Variants in MAST3 observed in about 807,000 individuals in gnomAD.
The protein encoded by MAST3 is microtubule associated serine/threonine kinase 3, also known as microtubule-associated serine/threonine-protein kinase 3.
A neutral mutation model predicts 127.0 loss-of-function variants in MAST3; 43 were observed. The ratio of observed to expected loss-of-function variants is 0.34; its 90% confidence interval spans 0.27 to 0.44. MAST3 has a LOEUF of 0.44. Ranked by LOEUF, MAST3 falls within the 20% of genes least tolerant of loss-of-function variation. The pLI is 1.00. For missense variants in MAST3, 1,390 were observed against 1,919.1 expected, an observed-to-expected ratio of 0.72 and a Z score of 5.15; for synonymous variants, 785 against 809.2, an observed-to-expected ratio of 0.97 and a Z score of 0.51.
rs1286553645 is a variant in MAST3 at position 18,147,637 on chromosome 19, C to T, written c.3508+13C>T. 20 of 1,515,974 alleles carry T rather than the reference C, an allele frequency of 1.3e-5. No individual in the cohort carries two copies. The Admixed American group carries it at 1.5e-4, about 11-fold the overall frequency. 93.9% of individuals were successfully genotyped at this position (1,515,974 alleles called of 1,614,324 possible). ...GATGTCCCAGCAGGTGGGTGCACCC[C>T]GACCCCCCACCACCCCGGCTACCCT... is the stretch of plus-strand genomic sequence containing the variant. On this transcript the variant is annotated intron_variant, in intron 27 of 27. Transcript: ENST00000687212.
intron 27 of MAST3, 65 bp downstream of exon 27, chr19:18,147,689 A>T: frequency 4.2e-6 from 5 of 1,190,046 alleles, no homozygotes; most frequent in Non-Finnish European, 5.8e-6. Context: ...GGGCCCCAGG[A>T]GGGAGGAAGG....
In MAST3 at chr19:18,147,022, G is replaced by A. The variant is rs768332984; in HGVS notation, c.3304G>A (p.Ala1102Thr). The A allele has an allele frequency of 1.4e-5, 22 of 1,572,536 alleles. No individual in the cohort carries two copies. The highest frequency in any genetic ancestry group is 4.6e-5 in the East Asian group (2 of 43,154). Residue 1102 changes from alanine to threonine, a missense_variant, in exon 26 of 28, where the codon GCG (alanine) becomes ACG (threonine). Transcript: ENST00000687212. ...TCGGCGGGAGACCCAGGATCGGTGC[G>A]CGGCAGTGACCACCAGGGAGCGGTA... Reference protein sequence around the residue: ...SRRRETQDRCAAVTTRERRKS... With the variant: ...SRRRETQDRCTAVTTRERRKS...
intron 6 of MAST3, 88 bp from the exon 7 acceptor site, chr19:18,123,129 C>T (rs2040192345): frequency 1.4e-6 from 2 of 1,412,878 alleles, no homozygotes; most frequent in Non-Finnish European, 9.9e-7. Context: ...GGCCAGCAGG[C>T]AGCCTGGGCC....
chr19:18,135,840 T>C lies in MAST3; in HGVS notation c.1971T>C (p.Thr657=), dbSNP rs536996877. The C allele has an allele frequency of 8.7e-6, 14 of 1,600,512 alleles. No individual in the cohort carries two copies. In the South Asian group the frequency reaches 1.6e-4, roughly 18 times the overall value. The part of the protein sequence containing the change: ...LRQSPLDRLG[T]GGTHEVKQHP... Reference sequence around the variant, plus strand: ...AGAGCCCGCTGGACCGTCTGGGCACTGGTATGTAGTGTGGGGGAGAACCCA... The same window carrying C: ...AGAGCCCGCTGGACCGTCTGGGCACCGGTATGTAGTGTGGGGGAGAACCCA... The change falls in exon 18 of 28, where the codon ACT becomes ACC. Residue 657 remains threonine (T), a splice_region_variant and synonymous_variant. Transcript: ENST00000687212.
At chr19:18,139,177 T>C in intron 20 of MAST3, 53 bp downstream of exon 20, 10 of 1,309,406 alleles carry the variant, frequency 7.6e-6, no homozygotes, top group Non-Finnish European at 1.1e-5. Context: ...GCATGATGTC[T>C]GTTTGCTTTC....
Position 18,124,162 on chromosome 19 carries a change from C to T in MAST3, c.843+14C>T, listed in dbSNP as rs2040319875. ...CTTCTGCAGGATGTGCGTGGTTTTT[C>T]GCATGTTGAGGTTTTGCATGCAGTG... On this transcript the variant is annotated intron_variant, in intron 9 of 27. Coordinates refer to ENST00000687212, the MANE Select transcript of MAST3 (RefSeq NM_001393504.1). 6 of 1,603,540 alleles carry T rather than the reference C, an allele frequency of 3.7e-6. No homozygotes were observed. The highest frequency in any genetic ancestry group is 1.7e-5 in the Admixed American group (1 of 58,474).
rs745492316 is a variant in MAST3 at position 18,123,389 on chromosome 19, C to G, written c.557+15C>G. On this transcript the variant is annotated intron_variant, in intron 7 of 27. Coordinates refer to ENST00000687212, the MANE Select transcript of MAST3 (RefSeq NM_001393504.1). ...CGCAGTCTCAGGTGGGCCGCGACCT[C>G]TGGCCCCAGCCCCGGCCCCTCCCTG... 4.4e-6 allele frequency: 7 copies of G among 1,603,716 alleles called. No individual in the cohort carries two copies. In the African/African-American group the frequency reaches 9.4e-5, roughly 21 times the overall value.
Position 18,149,570 on chromosome 19 carries a change from GC to G in MAST3, c.3889del (p.Arg1297AlafsTer43). 1 of 1,597,074 alleles carries G rather than the reference GC, an allele frequency of 6.3e-7. No individual in the cohort carries two copies. Among genetic ancestry groups the G allele is most frequent in the Non-Finnish European group, 8.5e-7 (1 of 1,172,764 alleles). On this transcript the variant is annotated frameshift_variant, in exon 28 of 28. Coordinates refer to ENST00000687212, the MANE Select transcript of MAST3 (RefSeq NM_001393504.1). LOFTEE classifies it low-confidence loss of function (END_TRUNC). The surrounding 1 kb of genome is among the most constrained non-coding windows in gnomAD (Gnocchi z 5.9). ...TCATGCGGCGGCTGCACCTGTCCGAGCGCCGAGACTCCTTCAAGAAGCAGGA... is the reference window on the plus strand; with the variant it reads ...TCATGCGGCGGCTGCACCTGTCCGAGGCCGAGACTCCTTCAAGAAGCAGGA... Reference protein sequence around the residue: ...VVMRRLHLSERRDSFKKQEAV... With the variant: ...VVMRRLHLSEXRDSFKKQEAV...
rs769677113 is a variant in MAST3, at chr19:18,149,325, C to A, written c.3643C>A (p.Arg1215Ser). ...TGGGCCACCCCGCCCCAAGACTGGC[C>A]GCCGCAAGTCCACCAGCAGCATCCC... ...KLGPPRPKTGRRKSTSSIPPS... is the reference protein window; with the variant it reads ...KLGPPRPKTGSRKSTSSIPPS... The change falls in exon 28 of 28, where the codon CGC (arginine) becomes AGC (serine). Residue 1215 changes from arginine to serine, a missense_variant. Around this residue, in one of 5 missense-constraint regions of MAST3, gnomAD observed 816 missense variants for 934.1 expected, o/e 0.87. Coordinates refer to ENST00000687212, the MANE Select transcript of MAST3 (RefSeq NM_001393504.1). The surrounding 1 kb of genome is among the most constrained non-coding windows in gnomAD (Gnocchi z 5.9). The A allele has an allele frequency of 2.0e-6, 3 of 1,525,942 alleles. No individual in the cohort carries two copies. The highest frequency in any genetic ancestry group is 2.6e-6 in the Non-Finnish European group (3 of 1,138,358). The allele number at this position is 1,525,942 out of a possible 1,614,324, so 94.5% of individuals were successfully genotyped here. A position where few individuals can be genotyped will look rare whatever the true frequency, so the allele number is the denominator to read the frequency against.
intron 16 of MAST3, 49 bp downstream of exon 16, chr19:18,134,760 C>G: frequency 6.2e-7 from 1 of 1,613,464 alleles, no homozygotes; most frequent in South Asian, 1.1e-5. Flanking sequence ...CTCCTCTCTC[C>G]TGGGACCTCT....
rs545158987 is a variant in MAST3 at position 18,135,488 on chromosome 19, A to G, written c.1871-252A>G. On this transcript the variant is annotated intron_variant, in intron 17 of 27. Transcript: ENST00000687212. ...TCAAAAAATAAAAAAAAGAAGTGAC[A>G]TGTGAGCAGAGACCTGCAAGAACCT... is the stretch of plus-strand genomic sequence containing the variant. Among the ~76,000 whole-genome samples, 62 of 151,078 alleles carry G rather than the reference A, an allele frequency of 4.1e-4. No individual in the cohort carries two copies. In the South Asian group the frequency reaches 0.012, roughly 30 times the overall value.
chr19:18,135,010 G>A, intron 17 of MAST3, 28 bp downstream of exon 17: 2 of 1,567,238 alleles, frequency 1.3e-6, no homozygotes, highest in Non-Finnish European at 1.7e-6. Flanking sequence ...GCCTGGGTTT[G>A]AGCTGCAGCC....
chr19:18,133,855 A>G (rs977694602), intron 15 of MAST3, among the ~76,000 whole-genome samples: 2 of 152,030 alleles, frequency 1.3e-5, no homozygotes, highest in Admixed American at 1.3e-4. Flanking sequence ...CGCCCGGCAA[A>G]TGAACTCATT....
Position 18,123,168 on chromosome 19 carries a change from C to T in MAST3, c.400-49C>T, listed in dbSNP as rs1216378061. The T allele has an allele frequency of 1.9e-6, 3 of 1,606,128 alleles. No individual in the cohort carries two copies. In the South Asian group the frequency reaches 3.3e-5, roughly 18 times the overall value. ...AGGGGTGGTGCTGGGTTCCTGGCCA[C>T]AGCACTGACGGTGAACTCATGGCTC... On this transcript the variant is annotated intron_variant, in intron 6 of 27. Transcript: ENST00000687212.
rs766160703 is a variant in MAST3 at position 18,147,578 on chromosome 19, C to A, written c.3462C>A (p.Pro1154=). ...LPGSPTHSLS[P]SPTTPCRSPA... is the part of the protein sequence containing the mutation. ...GCTCGCCCACCCACAGCCTCTCCCC[C>A]AGCCCCACCACTCCCTGCCGAAGCC... Residue 1154 remains proline, a synonymous_variant, in exon 27 of 28, where the codon CCC becomes CCA. Coordinates refer to ENST00000687212, the MANE Select transcript of MAST3 (RefSeq NM_001393504.1). 1.3e-6 allele frequency: 2 copies of A among 1,577,420 alleles called. No homozygotes were observed. The highest frequency in any genetic ancestry group is 2.4e-5 in the East Asian group (1 of 42,408).
In MAST3 at chr19:18,141,964, G is replaced by C; in HGVS notation, c.2288G>C (p.Gly763Ala). 1 of 1,556,414 alleles carries C rather than the reference G, an allele frequency of 6.4e-7. No individual in the cohort carries two copies. Among genetic ancestry groups the C allele is most frequent in the Non-Finnish European group, 8.7e-7 (1 of 1,147,746 alleles). The change falls in exon 21 of 28, where the codon GGG becomes GCG. Residue 763 changes from glycine (G) to alanine (A), a missense_variant. Transcript: ENST00000687212. The part of the protein sequence containing the change: ...ERSFSEDREE[G>A]WERSEVDYGR... ...AGCTTCAGTGAAGACCGGGAGGAGG[G>C]GTGGGAGCGCAGCGAAGTGGACTAT...
chr19:18,141,377 C>CT (rs370099564), intron 20 of MAST3, among the ~76,000 whole-genome samples: 16 of 122,748 alleles, frequency 1.3e-4, no homozygotes, highest in East Asian at 2.4e-4. Context: ...AGCCAGCTTT[C>CT]TTTTTTTTTT....
chr19:18,118,386 C>A, intron 3 of MAST3: 1 of 406,376 alleles, frequency 2.5e-6, no homozygotes, highest in Non-Finnish European at 3.3e-6. Context: ...GGGGGGAGGA[C>A]GCCTGTGGAT....
chr19:18,106,995 T>C (rs1281267717), intron 1 of MAST3, among the ~76,000 whole-genome samples: 40 of 95,904 alleles, frequency 4.2e-4, no homozygotes, highest in African/African-American at 9.0e-4. Context: ...TTTTTTTTTT[T>C]TGTAGAGACG....
Sources: allele counts gnomAD v4.1 joint callset (sites outside exome capture counted in the v4.1 genomes callset), GRCh38; gene constraint gnomAD v4.1.1; regional missense constraint gnomAD v4.1.1; non-coding constraint Gnocchi (gnomAD v3.1); transcripts MANE v1.5; gene names NCBI Gene and HGNC (gene_info 2026-07-23, HGNC 2026-07-21).